The following PPP6R2 variants were observed in gnomAD, a reference collection of about 807,000 sequenced individuals.
PPP6R2 encodes protein phosphatase 6 regulatory subunit 2.
PPP6R2 carries 62 observed loss-of-function variants against 100.2 expected under a neutral mutation model. The observed-to-expected ratio is 0.62, with a 90% CI of 0.50 to 0.76. The LOEUF (loss-of-function observed/expected upper bound fraction) is 0.76. PPP6R2 is among the 30% of genes least tolerant of loss of function. PPP6R2 has a pLI of 0.00. For missense variants in PPP6R2, 1,142 were observed against 1,276.3 expected (o/e 0.89, Z 1.60); for synonymous variants, 525 against 514.7 (o/e 1.02, Z -0.27).
At chr22:50,353,850 CTTTTAAAAATAT>C (rs149476170) in intron 1 of PPP6R2, among the ~76,000 whole-genome samples, 28,229 of 144,052 alleles carry the variant, frequency 0.2, 2,930 homozygotes, top group South Asian at 0.35. Flanking sequence ...GAAAGGCTAA[CTTTTAAAAATAT>C]TTTTAAAAAA....
chr22:50,375,340 C>T (rs540625100), intron 2 of PPP6R2, among the ~76,000 whole-genome samples: 15 of 152,186 alleles, frequency 9.9e-5, no homozygotes, highest in South Asian at 8.3e-4. Flanking sequence ...CTGAAAATAA[C>T]GCAGAAAGGT....
At chr22:50,391,878 C>G (rs912761521) in intron 2 of PPP6R2, 7 of 148,936 alleles carry the variant, frequency 4.7e-5, no homozygotes, top group Non-Finnish European at 7.4e-5. Context: ...CTTCCACCTT[C>G]TCTGTGGCTA....
At position 50,431,997 on chromosome 22, in the gene PPP6R2, G is replaced by T. The variant is rs966461948; in HGVS notation, c.1336-268G>T. ...CCCAGGGGAAGACAGGGGTCAGGGG[G>T]CAATTCCAGGAGTTGGAGGAGAAGG... On this transcript the variant is annotated intron_variant, in intron 11 of 23. Transcript: ENST00000612753. The surrounding 1 kb of genome is among the most constrained non-coding windows in gnomAD (Gnocchi z 4.8). 3.3e-5 allele frequency among the ~76,000 whole-genome samples: 5 copies of T among 152,142 alleles called. No homozygotes were observed. The highest frequency in any genetic ancestry group is 5.9e-5 in the Non-Finnish European group (4 of 68,014).
chr22:50,385,764 C>T (rs1248560062), intron 2 of PPP6R2, among the ~76,000 whole-genome samples: 1 of 150,814 alleles, frequency 6.6e-6, no homozygotes. Flanking sequence ...GATCCACCTG[C>T]CTCGGCCTCC....
intron 4 of PPP6R2, among the ~76,000 whole-genome samples, chr22:50,411,069 G>A (rs2059682797): frequency 6.6e-6 from 1 of 152,160 alleles, no homozygotes; most frequent in African/African-American, 2.4e-5. Flanking sequence ...GGGATTACAG[G>A]TGTGAGCCCC....
At chr22:50,416,289 T>A (rs2060520825) in intron 6 of PPP6R2, 132 bp downstream of exon 6, 2 of 737,898 alleles carry the variant, frequency 2.7e-6, no homozygotes, top group African/African-American at 1.8e-5. Flanking sequence ...TAGGTACTTT[T>A]CTTTCTTTAA....
chr22:50,444,360 T>C lies in PPP6R2; in HGVS notation c.*113T>C. 2 of 1,324,694 alleles carry C rather than the reference T, an allele frequency of 1.5e-6. No individual in the cohort carries two copies. The highest frequency in any genetic ancestry group is 1.5e-5 in the African/African-American group (1 of 66,630). 82.1% of individuals were successfully genotyped at this position (1,324,694 alleles called of 1,614,324 possible). A position where few individuals can be genotyped will look rare whatever the true frequency, so the allele number is the denominator to read the frequency against. On this transcript the variant is annotated 3_prime_UTR_variant, in exon 24 of 24. Coordinates refer to ENST00000612753, the MANE Select transcript of PPP6R2 (RefSeq NM_001242898.2). ...TAATTTAATTTAATTTTAAAATAAA[T>C]GCTGCATTGGTAAAGCTGGCAGTTG...
chr22:50,414,331 G>GGCCCCCCCCCCCCCCCCCCCCCCCCC (rs2060189395), intron 4 of PPP6R2, among the ~76,000 whole-genome samples: 1 of 26,774 alleles, frequency 3.7e-5, no homozygotes, highest in African/African-American at 8.5e-5. Flanking sequence ...CTGTGCAGTG[G>GGCCCCCCCCCCCCCCCCCCCCCCCCC]CCCCCCCCCC....
At chr22:50,363,140 T>C (rs1290196550) in intron 1 of PPP6R2, among the ~76,000 whole-genome samples, 1 of 152,184 alleles carries the variant, frequency 6.6e-6, no homozygotes, top group East Asian at 1.9e-4. Context: ...GAAGCAGACA[T>C]GTGCTGGTGC....
rs1292627144 is a variant in PPP6R2 at position 50,431,232 on chromosome 22, A to G, written c.1185A>G (p.Ile395Met). 6.2e-7 allele frequency: 1 copy of G among 1,613,894 alleles called. No individual in the cohort carries two copies. The highest frequency in any genetic ancestry group is 8.5e-7 in the Non-Finnish European group (1 of 1,180,012). Residue 395 changes from isoleucine to methionine, a missense_variant, in exon 11 of 24, where the codon ATA becomes ATG. Around this residue, in one of 2 missense-constraint regions of PPP6R2, gnomAD observed 592 missense variants for 758.9 expected, o/e 0.78. Transcript: ENST00000612753. The surrounding 1 kb of genome is among the most constrained non-coding windows in gnomAD (Gnocchi z 4.8). ...NFLHFQVELC[I>M]AAILSHAARE... ...TGCACTTCCAAGTGGAACTATGCAT[A>G]GCCGCTATTCTCTCCCACGCTGCCC...
upstream of PPP6R2, among the ~76,000 whole-genome samples, chr22:50,341,743 C>T (rs1163817749): frequency 2.0e-5 from 3 of 151,896 alleles, no homozygotes; most frequent in Non-Finnish European, 4.4e-5. Flanking sequence ...GCCTGTAATC[C>T]CAGCACTCTG....
intron 2 of PPP6R2, among the ~76,000 whole-genome samples, chr22:50,372,951 T>G (rs1260924615): frequency 6.6e-6 from 1 of 152,076 alleles, no homozygotes; most frequent in African/African-American, 2.4e-5. Flanking sequence ...CCTCCCAAAG[T>G]GCTGGGATAG....
At chr22:50,370,613 A>C (rs2049950152) in intron 1 of PPP6R2, among the ~76,000 whole-genome samples, 2 of 151,114 alleles carry the variant, frequency 1.3e-5, no homozygotes, top group African/African-American at 4.9e-5. Context: ...AAAAAAGTTT[A>C]AAAGTAGGAC....
chr22:50,343,721 AAGTC>A (rs1281408147), intron 1 of PPP6R2, among the ~76,000 whole-genome samples, 171 bp downstream of exon 1: 2 of 38,624 alleles, frequency 5.2e-5, no homozygotes, highest in Admixed American at 3.9e-4. Flanking sequence ...TGCCCCCCCC[AAGTC>A]AGTCAGTGCC....
chr22:50,437,874 T>C lies in PPP6R2; in HGVS notation c.1813T>C (p.Phe605Leu). The change falls in exon 17 of 24, where the codon TTC becomes CTC. Residue 605 changes from phenylalanine to leucine, a missense_variant. Around this residue, in one of 2 missense-constraint regions of PPP6R2, gnomAD observed 550 missense variants for 517.4 expected, o/e 1.06. Coordinates refer to ENST00000612753, the MANE Select transcript of PPP6R2 (RefSeq NM_001242898.2). ...APFDRIAEIN[F>L]NIDADEDSPS... Reference sequence around the variant, plus strand: ...GTTTGACAGGATCGCAGAGATCAACTTCAACATCGACGCTGACGAGGACAG... The same window carrying C: ...GTTTGACAGGATCGCAGAGATCAACCTCAACATCGACGCTGACGAGGACAG... 4 of 1,554,652 alleles carry C rather than the reference T, an allele frequency of 2.6e-6. No homozygotes were observed. The South Asian group carries it at 3.5e-5, about 14-fold the overall frequency.
chr22:50,408,047 C>G (rs188841193), intron 4 of PPP6R2, among the ~76,000 whole-genome samples: 4 of 152,088 alleles, frequency 2.6e-5, no homozygotes, highest in Admixed American at 2.0e-4. Context: ...CCACACCTGG[C>G]TAGTTTTTAA....
At chr22:50,353,412 C>T (rs560584436) in intron 1 of PPP6R2, among the ~76,000 whole-genome samples, 3 of 152,224 alleles carry the variant, frequency 2.0e-5, no homozygotes, top group South Asian at 4.1e-4. Flanking sequence ...TCAGAACTTA[C>T]GCAGCGTTTA....
At chr22:50,432,188 C>T in intron 11 of PPP6R2, 77 bp from the exon 12 acceptor site, 8 of 1,340,188 alleles carry the variant, frequency 6.0e-6, no homozygotes, top group Non-Finnish European at 7.3e-6. Flanking sequence ...CCAGCCCTGC[C>T]CAGTCCAGGG....
intron 10 of PPP6R2, among the ~76,000 whole-genome samples, chr22:50,427,953 C>A (rs1354524540): frequency 1.3e-5 from 2 of 152,234 alleles, no homozygotes; most frequent in Non-Finnish European, 2.9e-5. Context: ...ATCTCCTGAC[C>A]TCGTGATCCG....
Sources: allele counts gnomAD v4.1 joint callset (sites outside exome capture counted in the v4.1 genomes callset), GRCh38; gene constraint gnomAD v4.1.1; regional missense constraint gnomAD v4.1.1; non-coding constraint Gnocchi (gnomAD v3.1); transcripts MANE v1.5; gene names NCBI Gene and HGNC (gene_info 2026-07-23, HGNC 2026-07-21).